The following DGKZ variants were observed in gnomAD, a reference collection of about 807,000 sequenced individuals.
The protein encoded by DGKZ is DAG kinase zeta.
Under a neutral mutation model 142.5 loss-of-function variants are expected in DGKZ, and 45 were observed. That is an observed-to-expected ratio of 0.32 (90% CI 0.25 to 0.40). DGKZ has a LOEUF of 0.40. DGKZ is among the 10% of genes least tolerant of loss of function. The pLI is 1.00. For missense variants in DGKZ, 755 were observed against 1,306.5 expected (o/e 0.58, Z 6.51); for synonymous variants, 442 against 527.0 (o/e 0.84, Z 2.21).
chr11:46,349,631 C>T (rs997297802), intron 1 of DGKZ, among the ~76,000 whole-genome samples: 17 of 152,164 alleles, frequency 1.1e-4, no homozygotes, highest in African/African-American at 3.9e-4. Context: ...GAATTCCTGA[C>T]CTCAAGCAGT....
intron 9 of DGKZ, 79 bp from the exon 10 acceptor site, chr11:46,371,996 C>T: frequency 1.4e-6 from 2 of 1,410,708 alleles, no homozygotes; most frequent in South Asian, 1.2e-5. Context: ...GGAACAAAGT[C>T]ACCCAGGGGG....
chr11:46,377,146 C>T (rs200918451), exon 25 of DGKZ: 57 of 1,612,586 alleles, frequency 3.5e-5, no homozygotes, highest in Admixed American at 5.0e-5. Context: ...CTGGGGGCAT[C>T]GGCCCGGCCT....
intron 14 of DGKZ, 133 bp from the exon 15 acceptor site, chr11:46,374,024 A>G: frequency 1.1e-6 from 1 of 914,010 alleles, no homozygotes; most frequent in Non-Finnish European, 1.7e-6. Context: ...AGCTGGGCTG[A>G]GCCCTAGCGG....
At chr11:46,371,603 G>C in exon 8 of DGKZ, 1 of 1,612,110 alleles carries the variant, frequency 6.2e-7, no homozygotes, top group Non-Finnish European at 8.5e-7. Context: ...GGAGGCCCCA[G>C]GTGAGTACTG....
intron 1 of DGKZ, chr11:46,366,793 C>A (rs1402444580): frequency 6.5e-7 from 1 of 1,547,778 alleles, no homozygotes; most frequent in Admixed American, 1.9e-5. Context: ...CTCTCTGGGG[C>A]CTGCACGGCT....
intron 16 of DGKZ, 38 bp downstream of exon 16, chr11:46,374,492 T>C: frequency 3.1e-6 from 5 of 1,613,796 alleles, no homozygotes; most frequent in Non-Finnish European, 4.2e-6. Context: ...GCCCACCTCT[T>C]CTACCACCCG....
chr11:46,369,206 C>T (rs907405330), intron 4 of DGKZ: 23 of 506,682 alleles, frequency 4.5e-5, no homozygotes, highest in Non-Finnish European at 7.9e-5. Context: ...AAACAACGAG[C>T]AAACCATGGT....
At chr11:46,364,779 G>T in intron 1 of DGKZ, 5 of 985,450 alleles carry the variant, frequency 5.1e-6, no homozygotes, top group African/African-American at 1.7e-5. Context: ...TGCCCAACAT[G>T]CGTCCAGGGC....
intron 4 of DGKZ, 195 bp from the exon 5 acceptor site, chr11:46,369,299 C>T: frequency 1.5e-6 from 1 of 672,012 alleles, no homozygotes; most frequent in South Asian, 1.7e-5. Flanking sequence ...AAAGATCCCT[C>T]TGGCTAGTGA....
chr11:46,352,367 A>C (rs1162740493), intron 1 of DGKZ, among the ~76,000 whole-genome samples: 1 of 152,186 alleles, frequency 6.6e-6, no homozygotes, highest in Non-Finnish European at 1.5e-5. Context: ...GCCAGTCCAC[A>C]GGCCCACGGG....
At chr11:46,379,214 A>G in exon 29 of DGKZ, 1 of 1,612,996 alleles carries the variant, frequency 6.2e-7, no homozygotes. Context: ...CCCCCCAGAG[A>G]TCCTTGATGC....
intron 1 of DGKZ, among the ~76,000 whole-genome samples, chr11:46,357,640 C>G (rs975608928): frequency 6.6e-6 from 1 of 152,262 alleles, no homozygotes; most frequent in Non-Finnish European, 1.5e-5. Context: ...AGGCACCATG[C>G]CGGGCATGCC....
intron 27 of DGKZ, chr11:46,378,754 G>A (rs1481276242): frequency 3.5e-6 from 3 of 855,442 alleles, no homozygotes; most frequent in South Asian, 1.4e-5. Flanking sequence ...CAGGTCAGAG[G>A]AAGCACTGCT....
intron 1 of DGKZ, chr11:46,361,868 C>T (rs755941646): frequency 3.4e-5 from 6 of 176,138 alleles, no homozygotes; most frequent in Non-Finnish European, 6.7e-5. Flanking sequence ...AAGGGTCCCC[C>T]CGAGCTCCTG....
At chr11:46,345,671 G>T, upstream of DGKZ, 2 of 1,309,214 alleles carry the variant, frequency 1.5e-6, no homozygotes, top group Non-Finnish European at 2.0e-6. This position sits in a 1 kb window ranked among gnomAD's most constrained non-coding sequence, Gnocchi z 4.1. Context: ...GACAGAAGTA[G>T]GGTCACCCAT....
upstream of DGKZ, chr11:46,345,381 C>T (rs1010007992): frequency 3.5e-5 from 49 of 1,404,224 alleles, no homozygotes; most frequent in Non-Finnish European, 4.3e-5. The surrounding 1 kb of genome is among the most constrained non-coding windows in gnomAD (Gnocchi z 4.1). Context: ...TCAGGAAGTG[C>T]CGAAAGAGGA....
chr11:46,375,767 T>C, intron 20 of DGKZ, 84 bp from the exon 21 acceptor site: 1 of 1,520,534 alleles, frequency 6.6e-7, no homozygotes, highest in Non-Finnish European at 8.9e-7. Flanking sequence ...GGACCTTCTC[T>C]CGGCAAGTGG....
intron 1 of DGKZ, among the ~76,000 whole-genome samples, chr11:46,341,487 AAATG>A (rs1940272972): frequency 6.6e-6 from 1 of 152,272 alleles, no homozygotes; most frequent in Admixed American, 6.5e-5. Flanking sequence ...TTTGTCGTAC[AAATG>A]AATGAAGGAA....
intron 8 of DGKZ, 47 bp from the exon 9 acceptor site, chr11:46,371,657 A>G (rs754842794): frequency 6.2e-7 from 1 of 1,613,606 alleles, no homozygotes; most frequent in Non-Finnish European, 8.5e-7. Flanking sequence ...TCTGCCAGCT[A>G]CCCCAGCCTG....
Sources: gnomAD v4.1 joint callset for allele counts (sites outside exome capture counted in the v4.1 genomes callset) on GRCh38, gnomAD v4.1.1 for gene constraint, Gnocchi (gnomAD v3.1) non-coding constraint, MANE v1.5 for transcripts, NCBI Gene and HGNC (gene_info 2026-07-23, HGNC 2026-07-21) for gene names.